The following HIGD1C variants were observed in gnomAD, a reference collection of about 807,000 sequenced individuals.
HIGD1C encodes HIG1 domain family member 1C.
HIGD1C carries 11 observed loss-of-function variants against 13.1 expected under a neutral mutation model. That is an observed-to-expected ratio of 0.84 (90% CI 0.53 to 1.39). HIGD1C has a LOEUF of 1.39. HIGD1C is among the 40% of genes most tolerant of loss of function. The pLI, the probability that HIGD1C is intolerant of heterozygous loss-of-function variation, is 0.00. For missense variants in HIGD1C, 110 were observed against 112.0 expected, an observed-to-expected ratio of 0.98 and a Z score of 0.08; for synonymous variants, 36 against 37.7, an observed-to-expected ratio of 0.95 and a Z score of 0.17.
At chr12:50,947,744 T>C in the HIGD1C span, among the ~76,000 whole-genome samples, 1 of 152,164 alleles carries the variant, frequency 6.6e-6, no homozygotes, top group Non-Finnish European at 1.5e-5. Context: ...CCAGCAAATA[T>C]ATAAAAGATA....
At chr12:50,945,437 A>G in the HIGD1C span, among the ~76,000 whole-genome samples, 1 of 152,126 alleles carries the variant, frequency 6.6e-6, no homozygotes, top group African/African-American at 2.4e-5. Flanking sequence ...CTATACACCA[A>G]TAACAGACAG....
At chr12:50,955,649 A>G (rs992307315) in intron 1 of HIGD1C, among the ~76,000 whole-genome samples, 1 of 152,226 alleles carries the variant, frequency 6.6e-6, no homozygotes, top group African/African-American at 2.4e-5. Context: ...TCACATATCA[A>G]GAAAGAATCA....
At chr12:50,934,206 T>C in the HIGD1C span, among the ~76,000 whole-genome samples, 4 of 152,358 alleles carry the variant, frequency 2.6e-5, no homozygotes, top group East Asian at 5.8e-4. Context: ...TGGGAGATCA[T>C]ATAGTACAAT....
At chr12:50,951,534 T>C (rs896519913), upstream of HIGD1C, among the ~76,000 whole-genome samples, 9 of 152,166 alleles carry the variant, frequency 5.9e-5, no homozygotes, top group African/African-American at 2.2e-4. Flanking sequence ...GCCCAAAATG[T>C]ATGACCTCAA....
chr12:50,953,311 G>A (rs1011266106), upstream of HIGD1C, among the ~76,000 whole-genome samples: 9 of 152,236 alleles, frequency 5.9e-5, no homozygotes, highest in Non-Finnish European at 1.5e-5. Flanking sequence ...TTCATAGGAT[G>A]AAGCCGCTGT....
chr12:50,958,219 C>T (rs1267111374), intron 1 of HIGD1C, among the ~76,000 whole-genome samples: 1 of 151,164 alleles, frequency 6.6e-6, no homozygotes, highest in Non-Finnish European at 1.5e-5. Flanking sequence ...TTTTGGTAGA[C>T]ATAGACAAAC....
At chr12:50,933,473 T>C in the HIGD1C span, among the ~76,000 whole-genome samples, 1 of 152,218 alleles carries the variant, frequency 6.6e-6, no homozygotes, top group Non-Finnish European at 1.5e-5. Flanking sequence ...GTGAAAATCA[T>C]ACAGGCAGAA....
intron 2 of HIGD1C, among the ~76,000 whole-genome samples, chr12:50,970,085 C>T (rs754069725): frequency 3.3e-5 from 5 of 152,026 alleles, no homozygotes. Flanking sequence ...ATTTGTTTTC[C>T]TCGGGATACT....
chr12:50,945,586 C>A, the HIGD1C span, among the ~76,000 whole-genome samples: 1 of 152,140 alleles, frequency 6.6e-6, no homozygotes, highest in Non-Finnish European at 1.5e-5. Context: ...AAAGAGGACA[C>A]AAACAAATGG....
chr12:50,962,681 A>G (rs1939383318), intron 2 of HIGD1C, among the ~76,000 whole-genome samples: 1 of 152,138 alleles, frequency 6.6e-6, no homozygotes, highest in African/African-American at 2.4e-5. Context: ...TGGGCATCAG[A>G]GCAAGACTCC....
At chr12:50,944,880 C>G in the HIGD1C span, among the ~76,000 whole-genome samples, 11 of 152,138 alleles carry the variant, frequency 7.2e-5, no homozygotes, top group Admixed American at 7.2e-4. Flanking sequence ...GAGCAAGACT[C>G]TGTCTCAAAA....
chr12:50,971,472 CTT>C (rs1209000851), downstream of HIGD1C, among the ~76,000 whole-genome samples: 1 of 152,156 alleles, frequency 6.6e-6, no homozygotes, highest in Non-Finnish European at 1.5e-5. Flanking sequence ...AAACACATTT[CTT>C]TTTCCTGAGA....
the HIGD1C span, among the ~76,000 whole-genome samples, chr12:50,946,695 T>C: frequency 2.2e-4 from 33 of 152,236 alleles, no homozygotes; most frequent in Admixed American, 1.9e-3. Context: ...GATCTAGAAC[T>C]AGAAATACCA....
chr12:50,970,456 A>G (rs1387338807), exon 3 of HIGD1C: 23 of 1,508,280 alleles, frequency 1.5e-5, no homozygotes, highest in East Asian at 2.5e-5. Context: ...TCTCTATTCT[A>G]TGTATAAGGA....
exon 1 of HIGD1C, chr12:50,953,937 A>C: frequency 9.8e-7 from 1 of 1,023,230 alleles, no homozygotes; most frequent in Non-Finnish European, 1.5e-6. Context: ...GAGAGGAAAA[A>C]CAAATTATTT....
At position 50,960,833 on chromosome 12, in the gene HIGD1C, T is replaced by C. The variant is rs1939296446; in HGVS notation, c.95-135T>C. On this transcript the variant is annotated intron_variant, in intron 1 of 2. Coordinates refer to ENST00000398455, the Ensembl canonical transcript of HIGD1C. Reference sequence around the variant, plus strand: ...GAGTAGCTGGGACTACAGACGTGTATCACCATGTGTGGCTAATTTTTTTTT... The same window carrying C: ...GAGTAGCTGGGACTACAGACGTGTACCACCATGTGTGGCTAATTTTTTTTT... The C allele has an allele frequency of 4.4e-6, 3 of 683,830 alleles. No homozygotes were observed. In the African/African-American group the frequency reaches 5.5e-5, roughly 13 times the overall value. The allele number at this position is 683,830 out of a possible 1,614,324, so 42.4% of individuals were successfully genotyped here. A position where few individuals can be genotyped will look rare whatever the true frequency, so the allele number is the denominator to read the frequency against.
the HIGD1C span, among the ~76,000 whole-genome samples, chr12:50,938,267 C>T: frequency 6.7e-6 from 1 of 149,658 alleles, no homozygotes; most frequent in African/African-American, 2.4e-5. Flanking sequence ...AGAGGGCTGG[C>T]AGGAGGCTGG....
downstream of HIGD1C, among the ~76,000 whole-genome samples, chr12:50,971,025 C>CCCA (rs1939742518): frequency 6.6e-6 from 1 of 152,038 alleles, no homozygotes. Flanking sequence ...ATTACAAGCA[C>CCCA]CCACCACCAC....
chr12:50,941,189 T>A, the HIGD1C span, among the ~76,000 whole-genome samples: 1 of 152,056 alleles, frequency 6.6e-6, no homozygotes, highest in Non-Finnish European at 1.5e-5. Flanking sequence ...GGTCTCCCTA[T>A]GTTACCCAGG....
Sources: allele counts gnomAD v4.1 joint callset (sites outside exome capture counted in the v4.1 genomes callset), GRCh38; gene constraint gnomAD v4.1.1; transcripts MANE v1.5; gene names NCBI Gene and HGNC (gene_info 2026-07-23, HGNC 2026-07-21).